CLVS1: variants seen among roughly 807,000 people sequenced by gnomAD.
CLVS1 encodes clavesin-1.
A neutral mutation model predicts 33.1 loss-of-function variants in CLVS1; 10 were observed. That is an observed-to-expected ratio of 0.30 (90% confidence interval 0.19 to 0.51). The LOEUF (loss-of-function observed/expected upper bound fraction) is 0.51, where lower values mean the gene tolerates loss of function less well. Among genes scored for constraint, CLVS1 ranks in the 20% least tolerant of loss-of-function variants. The probability of loss-of-function intolerance (pLI) is 0.97; values close to 1 mark genes in which losing one functional copy is unlikely to be tolerated. For synonymous variants in CLVS1, 163 were observed against 166.1 expected (o/e 0.98, Z 0.14); for missense variants, 343 against 433.4 (o/e 0.79, Z 1.85).
chr8:61,416,560 A>T (rs1290138403), intron 3 of CLVS1, among the ~76,000 whole-genome samples: 1 of 152,210 alleles, frequency 6.6e-6, no homozygotes, highest in Non-Finnish European at 1.5e-5. Flanking sequence ...CATCAAAAAG[A>T]GCAAGAGAAA....
At chr8:61,216,369 AGATATATCT>A (rs1469251141) in intron 2 of CLVS1, among the ~76,000 whole-genome samples, 1 of 152,184 alleles carries the variant, frequency 6.6e-6, no homozygotes, top group Non-Finnish European at 1.5e-5. Flanking sequence ...AGTGCTCTTG[AGATATATCT>A]GTTGAGCTCC....
At position 61,389,649 on chromosome 8, in the gene CLVS1, G is replaced by A. The variant is rs145957442; in HGVS notation, c.630+12870G>A. Among the ~76,000 whole-genome samples the A allele has an allele frequency of 3.8e-3, 582 of 152,312 alleles. 1 individual carries two copies. Among genetic ancestry groups the A allele is most frequent in the Middle Eastern group, 0.01 (3 of 294 alleles). ...TATGACTGAGGCCATTTAGAGTCAC[G>A]TATCTTAGTAGCTCTGAGAGCACTG... is the stretch of plus-strand genomic sequence containing the variant. On this transcript the variant is annotated intron_variant, in intron 3 of 5. Coordinates refer to ENST00000325897, the MANE Select transcript of CLVS1 (RefSeq NM_173519.3).
At chr8:61,331,531 TA>T (rs34893220) in intron 2 of CLVS1, among the ~76,000 whole-genome samples, 219 of 146,090 alleles carry the variant, frequency 1.5e-3, no homozygotes, top group African/African-American at 4.2e-3. Context: ...CCTTCCCAAT[TA>T]AAAAAAAAAA....
chr8:61,425,892 G>A (rs1043789712), intron 3 of CLVS1, among the ~76,000 whole-genome samples: 7 of 152,148 alleles, frequency 4.6e-5, no homozygotes, highest in African/African-American at 1.7e-4. Context: ...GTGCTTGATT[G>A]CTGTAAGATC....
chr8:60,991,000 C>T, the CLVS1 span, among the ~76,000 whole-genome samples: 2 of 152,132 alleles, frequency 1.3e-5, no homozygotes, highest in African/African-American at 4.8e-5. Context: ...CATGAGCCAA[C>T]GTGCCCAACT....
chr8:61,003,135 T>A, the CLVS1 span, among the ~76,000 whole-genome samples: 1 of 152,298 alleles, frequency 6.6e-6, no homozygotes, highest in African/African-American at 2.4e-5. Context: ...AGGGACTTGC[T>A]CTGGGGGGTC....
At chr8:61,185,143 G>GCTTTT (rs376138569) in intron 2 of CLVS1, among the ~76,000 whole-genome samples, 108 of 143,850 alleles carry the variant, frequency 7.5e-4, no homozygotes, top group Middle Eastern at 3.5e-3. Flanking sequence ...AGAGAGTATA[G>GCTTTT]TTTTTGTTTT....
intron 3 of CLVS1, among the ~76,000 whole-genome samples, chr8:61,451,752 G>C (rs1331335852): frequency 6.6e-6 from 1 of 151,436 alleles, no homozygotes; most frequent in East Asian, 1.9e-4. Context: ...CCATGAGAGG[G>C]GTGTGTTTGC....
At chr8:61,076,803 T>C (rs1372077145) in intron 1 of CLVS1, among the ~76,000 whole-genome samples, 1 of 152,114 alleles carries the variant, frequency 6.6e-6, no homozygotes, top group African/African-American at 2.4e-5. Flanking sequence ...TTGGTTTTAA[T>C]GTGCTGCACT....
intron 2 of CLVS1, among the ~76,000 whole-genome samples, chr8:61,219,335 T>A (rs1052328291): frequency 1.3e-5 from 2 of 152,126 alleles, no homozygotes; most frequent in African/African-American, 4.8e-5. Context: ...TATGTGTTGT[T>A]CTCGTCTCTG....
chr8:61,103,623 C>T (rs1011605009), intron 1 of CLVS1, among the ~76,000 whole-genome samples: 2 of 152,162 alleles, frequency 1.3e-5, no homozygotes, highest in African/African-American at 4.8e-5. Context: ...AGGAAATGGG[C>T]TGGTTTAGAA....
chr8:61,480,870 T>C (rs1401423828), intron 5 of CLVS1, among the ~76,000 whole-genome samples: 6 of 151,984 alleles, frequency 3.9e-5, no homozygotes, highest in Non-Finnish European at 7.4e-5. Flanking sequence ...GTAGGAGGGG[T>C]AATAATGAGT....
intron 1 of CLVS1, among the ~76,000 whole-genome samples, chr8:61,059,135 A>G (rs1804531761): frequency 6.6e-6 from 1 of 151,948 alleles, no homozygotes; most frequent in Non-Finnish European, 1.5e-5. Flanking sequence ...TTTCTATTTG[A>G]TTGTGCCATT....
intron 2 of CLVS1, among the ~76,000 whole-genome samples, chr8:61,331,135 A>T (rs1247150497): frequency 1.3e-5 from 2 of 152,120 alleles, no homozygotes; most frequent in Non-Finnish European, 2.9e-5. Flanking sequence ...CTTGGTATCA[A>T]ATTTGTAGGT....
intron 1 of CLVS1, among the ~76,000 whole-genome samples, chr8:61,066,476 G>A (rs1356992807): frequency 1.3e-5 from 2 of 152,128 alleles, no homozygotes; most frequent in East Asian, 3.9e-4. Flanking sequence ...CCAGCTTGAG[G>A]GACTGGGCAA....
At chr8:61,379,714 C>G in intron 3 of CLVS1, among the ~76,000 whole-genome samples, 1 of 152,162 alleles carries the variant, frequency 6.6e-6, no homozygotes, top group Middle Eastern at 3.2e-3. Context: ...TTAGGTAGTG[C>G]TCTTTGGGTC....
At chr8:61,423,609 ATC>A (rs1815767422) in intron 3 of CLVS1, among the ~76,000 whole-genome samples, 1 of 152,188 alleles carries the variant, frequency 6.6e-6, no homozygotes, top group African/African-American at 2.4e-5. Flanking sequence ...AGCGCCCTAA[ATC>A]TCACCAAGGA....
intron 2 of CLVS1, among the ~76,000 whole-genome samples, chr8:61,373,151 A>C (rs748363714): frequency 1.3e-5 from 2 of 152,226 alleles, no homozygotes; most frequent in African/African-American, 4.8e-5. Flanking sequence ...TGTTATAAAA[A>C]GCGAAGAGGA....
intron 1 of CLVS1, among the ~76,000 whole-genome samples, chr8:61,290,449 GTCA>G (rs1023229539): frequency 1.3e-5 from 2 of 152,134 alleles, no homozygotes; most frequent in Non-Finnish European, 2.9e-5. Context: ...CCAGCCGAGT[GTCA>G]TCATATATTT....
Sources: allele counts gnomAD v4.1 joint callset (sites outside exome capture counted in the v4.1 genomes callset), GRCh38; gene constraint gnomAD v4.1.1; transcripts MANE v1.5; gene names NCBI Gene and HGNC (gene_info 2026-07-23, HGNC 2026-07-21).